The following APP variants were observed in gnomAD, a reference collection of about 807,000 sequenced individuals.
APP encodes amyloid beta precursor protein.
APP carries 31 observed loss-of-function variants against 101.4 expected under a neutral mutation model. That is an observed-to-expected ratio of 0.31 (90% CI 0.23 to 0.41). The LOEUF is 0.41. APP is among the 10% of genes least tolerant of loss of function. The probability of loss-of-function intolerance (pLI) is 1.00; values close to 1 mark genes in which losing one functional copy is unlikely to be tolerated. For missense variants in APP, 839 were observed against 1,003.7 expected (o/e 0.84, Z 2.22); for synonymous variants, 366 against 364.4 (o/e 1.00, Z -0.05).
intron 3 of APP, among the ~76,000 whole-genome samples, chr21:26,081,405 G>C (rs1466695904): frequency 1.3e-5 from 2 of 151,060 alleles, no homozygotes; most frequent in Admixed American, 1.3e-4. Context: ...GGGGGGCAGG[G>C]GTGGGGGTCA....
chr21:25,913,415 C>T (rs987517949), intron 13 of APP, among the ~76,000 whole-genome samples: 3 of 152,190 alleles, frequency 2.0e-5, no homozygotes, highest in African/African-American at 7.2e-5. Flanking sequence ...AGATAAAAGA[C>T]CCTCATTAGA....
intron 14 of APP, among the ~76,000 whole-genome samples, chr21:25,905,626 G>A (rs1237762532): frequency 6.6e-6 from 1 of 152,208 alleles, no homozygotes; most frequent in Non-Finnish European, 1.5e-5. Flanking sequence ...TATGAGGGCA[G>A]AAGAGGGAAA....
chr21:26,065,099 C>CT (rs575084485), intron 3 of APP, among the ~76,000 whole-genome samples: 15 of 152,198 alleles, frequency 9.9e-5, no homozygotes, highest in Admixed American at 2.6e-4. Flanking sequence ...AATGATCCAC[C>CT]TGCCTCGGCC....
chr21:25,947,866 G>A (rs1032330468), intron 13 of APP, among the ~76,000 whole-genome samples: 6 of 151,976 alleles, frequency 3.9e-5, no homozygotes, highest in African/African-American at 1.2e-4. Context: ...TTAGCCAGGT[G>A]TGGTGGCACA....
At chr21:25,886,939 C>T (rs1380026582) in intron 17 of APP, among the ~76,000 whole-genome samples, 4 of 151,520 alleles carry the variant, frequency 2.6e-5, no homozygotes, top group Admixed American at 2.0e-4. Flanking sequence ...AGTGTGACAG[C>T]ATATTACTTA....
intron 5 of APP, among the ~76,000 whole-genome samples, chr21:26,047,691 T>A (rs965995922): frequency 6.6e-6 from 1 of 152,132 alleles, no homozygotes; most frequent in Non-Finnish European, 1.5e-5. Context: ...CATTACTAGG[T>A]TATACAAACC....
chr21:26,054,610 T>C (rs1473278264), intron 3 of APP, among the ~76,000 whole-genome samples: 1 of 141,356 alleles, frequency 7.1e-6, no homozygotes, highest in African/African-American at 2.6e-5. Flanking sequence ...AGAAGCAACA[T>C]AGGCCAAAAG....
chr21:26,003,144 T>C (rs547593937), intron 6 of APP, among the ~76,000 whole-genome samples: 1 of 152,248 alleles, frequency 6.6e-6, no homozygotes, highest in South Asian at 2.1e-4. Context: ...CTATAACAGC[T>C]ATGAAACCAT....
chr21:26,159,457 A>C (rs1412877276), intron 1 of APP, among the ~76,000 whole-genome samples: 1 of 152,226 alleles, frequency 6.6e-6, no homozygotes, highest in Non-Finnish European at 1.5e-5. Flanking sequence ...GCCCTGAGAA[A>C]ACTTGCAGTA....
chr21:26,155,371 C>T (rs1233823201), intron 1 of APP, among the ~76,000 whole-genome samples: 1 of 151,958 alleles, frequency 6.6e-6, no homozygotes, highest in South Asian at 2.1e-4. Flanking sequence ...TTATATTGAC[C>T]CCCTGTTGAA....
chr21:26,159,778 G>A (rs145631691), intron 1 of APP, among the ~76,000 whole-genome samples: 37 of 152,012 alleles, frequency 2.4e-4, no homozygotes, highest in African/African-American at 5.3e-4. Flanking sequence ...AAACACATGC[G>A]CATAAGAAAT....
Position 26,073,192 on chromosome 21 carries a change from T to A in APP, c.355+16751A>T, listed in dbSNP as rs117458216. On this transcript the variant is annotated intron_variant, in intron 3 of 17. Transcript: ENST00000346798. ...AGGGTACTCCTATTAAACACTGATA[T>A]TTAGAATTTCTGAATTCTGATTCTA... Among the ~76,000 whole-genome samples the A allele has an allele frequency of 9.5e-3, 1,443 of 152,270 alleles. 11 individuals are homozygous for A. The highest frequency in any genetic ancestry group is 0.015 in the Non-Finnish European group (1,031 of 67,986).
chr21:26,131,620 C>A (rs2062798800), intron 1 of APP, among the ~76,000 whole-genome samples: 1 of 152,168 alleles, frequency 6.6e-6, no homozygotes, highest in African/African-American at 2.4e-5. Context: ...TACGGCAATA[C>A]TTGAGAAATG....
At chr21:26,087,509 A>AC (rs1446413253) in intron 3 of APP, among the ~76,000 whole-genome samples, 1 of 152,202 alleles carries the variant, frequency 6.6e-6, no homozygotes, top group Admixed American at 6.5e-5. Flanking sequence ...TGAATTATGT[A>AC]CCTCCACATC....
chr21:25,915,994 T>G (rs7281709), intron 13 of APP, among the ~76,000 whole-genome samples: 7,265 of 152,020 alleles, frequency 0.048, 578 homozygotes, highest in African/African-American at 0.17. Flanking sequence ...TTGGTCGTTG[T>G]TCAAAATAGG....
chr21:25,908,169 C>T (rs768445656), intron 14 of APP, among the ~76,000 whole-genome samples: 4 of 152,212 alleles, frequency 2.6e-5, no homozygotes, highest in African/African-American at 7.2e-5. Flanking sequence ...GATCATTTCA[C>T]GATCTGTGAG....
chr21:26,102,889 C>CAA (rs3084283), intron 2 of APP, among the ~76,000 whole-genome samples: 23 of 63,096 alleles, frequency 3.6e-4, no homozygotes, highest in South Asian at 8.2e-4. Flanking sequence ...GACTCTGTCT[C>CAA]AAAAAAAAAA....
At chr21:26,043,830 G>GA (rs372379950) in intron 5 of APP, among the ~76,000 whole-genome samples, 1 of 236 alleles carries the variant, frequency 4.2e-3, no homozygotes, top group Non-Finnish European at 8.3e-3. Context: ...ACTACTTGTG[G>GA]GCTGATATTC....
At chr21:25,939,654 GT>G (rs2040494001) in intron 13 of APP, among the ~76,000 whole-genome samples, 2 of 152,134 alleles carry the variant, frequency 1.3e-5, no homozygotes, top group Non-Finnish European at 2.9e-5. Context: ...TTTCTCTAAA[GT>G]TTCTTATTTT....
Sources: allele counts gnomAD v4.1 joint callset (sites outside exome capture counted in the v4.1 genomes callset), GRCh38; gene constraint gnomAD v4.1.1; transcripts MANE v1.5; gene names NCBI Gene and HGNC (gene_info 2026-07-23, HGNC 2026-07-21).